SPAG16: variants seen among roughly 807,000 people sequenced by gnomAD.
SPAG16 encodes the protein sperm associated antigen 16, also known as sperm-associated antigen 16 protein.
In SPAG16, 86 loss-of-function variants were observed where a neutral mutation model predicts 80.4. That is an observed-to-expected ratio of 1.07 (90% CI 0.90 to 1.28). SPAG16 has a LOEUF of 1.28. Ranked by LOEUF, SPAG16 falls within the 50% of genes most tolerant of loss-of-function variation. SPAG16 has a pLI of 0.00. For synonymous variants in SPAG16, 294 were observed against 265.9 expected, an observed-to-expected ratio of 1.11 and a Z score of -1.03; for missense variants, 870 against 765.3, an observed-to-expected ratio of 1.14 and a Z score of -1.61.
chr2:213,868,757 C>A (rs1347597355), intron 11 of SPAG16, among the ~76,000 whole-genome samples: 1 of 152,236 alleles, frequency 6.6e-6, no homozygotes, highest in Non-Finnish European at 1.5e-5. Flanking sequence ...CTGCCTGAGG[C>A]AGAAATAGAG....
At chr2:214,010,306 A>G (rs2047222090) in intron 12 of SPAG16, among the ~76,000 whole-genome samples, 1 of 146,560 alleles carries the variant, frequency 6.8e-6, no homozygotes, top group African/African-American at 2.7e-5. Flanking sequence ...TTGTAGAGAA[A>G]ATATTAAACG....
intron 10 of SPAG16, among the ~76,000 whole-genome samples, chr2:213,572,613 G>A (rs371468169): frequency 3.5e-4 from 53 of 151,664 alleles, no homozygotes; most frequent in Middle Eastern, 3.4e-3. Context: ...CTCCAGCTGC[G>A]TGCTGGGAGA....
At chr2:213,535,290 A>G (rs1370341142) in intron 10 of SPAG16, among the ~76,000 whole-genome samples, 7 of 152,144 alleles carry the variant, frequency 4.6e-5, no homozygotes, top group Admixed American at 4.6e-4. Context: ...CAATGATGAT[A>G]GAATTAGCAT....
At chr2:213,302,912 C>T (rs925004069) in intron 3 of SPAG16, among the ~76,000 whole-genome samples, 1 of 152,034 alleles carries the variant, frequency 6.6e-6, no homozygotes, top group Non-Finnish European at 1.5e-5. Flanking sequence ...CCATAAGTGT[C>T]TTTAGAAATG....
intron 14 of SPAG16, among the ~76,000 whole-genome samples, chr2:214,120,258 G>T (rs2125452391): frequency 1.3e-5 from 2 of 151,494 alleles, no homozygotes; most frequent in Middle Eastern, 6.8e-3. Context: ...CTTCCCAACT[G>T]TCTTATAAAT....
At chr2:213,607,263 T>G in intron 10 of SPAG16, among the ~76,000 whole-genome samples, 1 of 152,346 alleles carries the variant, frequency 6.6e-6, no homozygotes, top group Non-Finnish European at 1.5e-5. Context: ...CATACTGTAG[T>G]AAAATATTTC....
rs148379663 is a variant in SPAG16 at position 213,926,620 on chromosome 2, A to G, written c.1215-3340A>G. Among the ~76,000 whole-genome samples, 1,118 of 152,130 alleles carry G rather than the reference A, an allele frequency of 7.3e-3. 14 individuals are homozygous for G. Among genetic ancestry groups the G allele is most frequent in the African/African-American group, 0.026 (1,060 of 41,514 alleles). On this transcript the variant is annotated intron_variant, in intron 11 of 15. Coordinates refer to ENST00000331683, the MANE Select transcript of SPAG16 (RefSeq NM_024532.5). Reference sequence around the variant, plus strand: ...AATTTTATTTTTAAAATTTCTAAATATATATTTTTTTCAGATTTGCAGATT... The same window carrying G: ...AATTTTATTTTTAAAATTTCTAAATGTATATTTTTTTCAGATTTGCAGATT...
At chr2:213,546,315 CT>C (rs964252278) in intron 10 of SPAG16, among the ~76,000 whole-genome samples, 1 of 151,770 alleles carries the variant, frequency 6.6e-6, no homozygotes, top group Non-Finnish European at 1.5e-5. Flanking sequence ...ACAGGTGCCC[CT>C]TTTTTTTAGC....
chr2:214,398,351 A>C (rs181506071), intron 15 of SPAG16, among the ~76,000 whole-genome samples: 2 of 152,306 alleles, frequency 1.3e-5, no homozygotes, highest in Admixed American at 1.3e-4. Context: ...AAATACCCTA[A>C]TATTCCATTT....
intron 15 of SPAG16, among the ~76,000 whole-genome samples, chr2:214,203,101 A>G (rs1217715978): frequency 6.6e-6 from 1 of 152,212 alleles, no homozygotes; most frequent in Non-Finnish European, 1.5e-5. Context: ...ATTCACACTA[A>G]ATGAAAAATA....
intron 1 of SPAG16, among the ~76,000 whole-genome samples, chr2:213,286,630 A>T (rs2062065555): frequency 6.6e-6 from 1 of 152,236 alleles, no homozygotes; most frequent in African/African-American, 2.4e-5. Context: ...GCACAGATGA[A>T]TCAGAAATCT....
chr2:213,548,307 G>A (rs1349275264), intron 10 of SPAG16, among the ~76,000 whole-genome samples: 1 of 152,134 alleles, frequency 6.6e-6, no homozygotes, highest in Non-Finnish European at 1.5e-5. Context: ...CTGCCTCCCA[G>A]GTTCACGCCG....
chr2:213,466,152 T>G (rs1238230719), intron 9 of SPAG16, among the ~76,000 whole-genome samples: 1 of 152,172 alleles, frequency 6.6e-6, no homozygotes, highest in Non-Finnish European at 1.5e-5. Context: ...GGACTCAGAC[T>G]GGCTTCCTTT....
intron 14 of SPAG16, among the ~76,000 whole-genome samples, chr2:214,144,443 G>A (rs2055529225): frequency 6.6e-6 from 1 of 151,620 alleles, no homozygotes; most frequent in South Asian, 2.1e-4. Flanking sequence ...TTGTTTTAAT[G>A]GCTTTATAAT....
intron 3 of SPAG16, among the ~76,000 whole-genome samples, chr2:213,302,743 C>G (rs2062795614): frequency 6.6e-6 from 1 of 151,910 alleles, no homozygotes; most frequent in South Asian, 2.1e-4. Context: ...TAAGAACCAA[C>G]ACAGTTTAAG....
chr2:213,913,659 A>ATATGTACATGTACATATG (rs2077806203), intron 11 of SPAG16, among the ~76,000 whole-genome samples: 4 of 98,106 alleles, frequency 4.1e-5, no homozygotes, highest in African/African-American at 1.2e-4. Flanking sequence ...ATGTACATAT[A>ATATGTACATGTACATATG]TGTATATGTA....
chr2:213,552,933 C>CT (rs2076829846), intron 10 of SPAG16, among the ~76,000 whole-genome samples: 1 of 152,154 alleles, frequency 6.6e-6, no homozygotes, highest in Admixed American at 6.6e-5. Context: ...ACTCTTGGAC[C>CT]TACACCAGTG....
intron 14 of SPAG16, among the ~76,000 whole-genome samples, chr2:214,145,209 G>C (rs2055577758): frequency 6.6e-6 from 1 of 151,824 alleles, no homozygotes; most frequent in South Asian, 2.1e-4. Flanking sequence ...TGGAACCTCT[G>C]TGCAGAGAGA....
chr2:214,076,832 A>G (rs1295024444), intron 13 of SPAG16, among the ~76,000 whole-genome samples: 1 of 152,170 alleles, frequency 6.6e-6, no homozygotes, highest in Non-Finnish European at 1.5e-5. Context: ...AGGCTGAAAG[A>G]TGATAAATTC....
Sources: gnomAD v4.1 joint callset for allele counts (sites outside exome capture counted in the v4.1 genomes callset) on GRCh38, gnomAD v4.1.1 for gene constraint, MANE v1.5 for transcripts, NCBI Gene and HGNC (gene_info 2026-07-23, HGNC 2026-07-21) for gene names.